The following SAMTOR variants were observed in gnomAD, a reference collection of about 807,000 sequenced individuals.
SAMTOR encodes the protein UPF0532 protein C7orf60.
the SAMTOR span, among the ~76,000 whole-genome samples, chr7:112,904,083 A>G: frequency 6.6e-6 from 1 of 152,226 alleles, no homozygotes; most frequent in African/African-American, 2.4e-5. Flanking sequence ...TTTACAAAGA[A>G]GAAATTCCAT....
At chr7:112,889,199 GA>G in the SAMTOR span, among the ~76,000 whole-genome samples, 8 of 152,130 alleles carry the variant, frequency 5.3e-5, no homozygotes, top group East Asian at 1.5e-3. Flanking sequence ...TTTGTAGTTA[GA>G]AAAATGTTCA....
At chr7:112,834,200 C>G in the SAMTOR span, among the ~76,000 whole-genome samples, 1 of 152,112 alleles carries the variant, frequency 6.6e-6, no homozygotes, top group African/African-American at 2.4e-5. Flanking sequence ...GAATTAACAT[C>G]TTTACAATAT....
At chr7:112,833,399 T>G in the SAMTOR span, among the ~76,000 whole-genome samples, 1 of 152,194 alleles carries the variant, frequency 6.6e-6, no homozygotes, top group Non-Finnish European at 1.5e-5. Flanking sequence ...ATAATAGTGG[T>G]ATTTACCCTT....
chr7:112,880,682 C>T, the SAMTOR span, among the ~76,000 whole-genome samples: 1 of 152,012 alleles, frequency 6.6e-6, no homozygotes, highest in African/African-American at 2.4e-5. Context: ...ATAAACTTAT[C>T]CAATTAAGAT....
the SAMTOR span, among the ~76,000 whole-genome samples, chr7:112,908,797 A>T: frequency 6.6e-6 from 1 of 152,220 alleles, no homozygotes; most frequent in South Asian, 2.1e-4. Flanking sequence ...TAATGCCTAT[A>T]TGACAGTTGA....
the SAMTOR span, among the ~76,000 whole-genome samples, chr7:112,900,826 C>T: frequency 6.6e-6 from 1 of 152,122 alleles, no homozygotes; most frequent in African/African-American, 2.4e-5. Flanking sequence ...TAGAACTAGA[C>T]ATCCACATGC....
the SAMTOR span, among the ~76,000 whole-genome samples, chr7:112,872,229 A>G: frequency 1.2e-4 from 19 of 152,242 alleles, no homozygotes; most frequent in African/African-American, 4.6e-4. Flanking sequence ...AAAAATCCAC[A>G]GTAAAATACT....
chr7:112,822,241 C>T, the SAMTOR span: 1 of 1,613,560 alleles, frequency 6.2e-7, no homozygotes, highest in South Asian at 1.1e-5. Flanking sequence ...GAGAAAACAA[C>T]CACATGGAAA....
At chr7:112,855,982 G>A in the SAMTOR span, among the ~76,000 whole-genome samples, 1 of 151,896 alleles carries the variant, frequency 6.6e-6, no homozygotes, top group Non-Finnish European at 1.5e-5. Context: ...TACTTTTGTG[G>A]TTAGAGAGTG....
At chr7:112,932,161 G>A in the SAMTOR span, among the ~76,000 whole-genome samples, 7 of 151,924 alleles carry the variant, frequency 4.6e-5, no homozygotes, top group African/African-American at 1.4e-4. Flanking sequence ...TCTTGACCTC[G>A]TGATCCACCC....
chr7:112,916,650 C>G, the SAMTOR span, among the ~76,000 whole-genome samples: 1 of 152,164 alleles, frequency 6.6e-6, no homozygotes, highest in African/African-American at 2.4e-5. Flanking sequence ...CACTGCCTCA[C>G]TTGGGAAGCG....
the SAMTOR span, among the ~76,000 whole-genome samples, chr7:112,908,716 C>T: frequency 4.0e-5 from 6 of 151,886 alleles, no homozygotes; most frequent in African/African-American, 1.5e-4. Context: ...TTTATTTTTG[C>T]AAAAACAAAC....
At chr7:112,851,266 G>A in the SAMTOR span, among the ~76,000 whole-genome samples, 3 of 152,076 alleles carry the variant, frequency 2.0e-5, no homozygotes, top group Non-Finnish European at 4.4e-5. Flanking sequence ...AAAGAACCAA[G>A]CTGGAATCAT....
chr7:112,848,774 T>A, the SAMTOR span, among the ~76,000 whole-genome samples: 54 of 152,292 alleles, frequency 3.5e-4, no homozygotes, highest in African/African-American at 1.3e-3. Context: ...TGCAGTCACT[T>A]ATTTCACTAT....
At chr7:112,897,210 A>T in the SAMTOR span, among the ~76,000 whole-genome samples, 1 of 152,158 alleles carries the variant, frequency 6.6e-6, no homozygotes, top group Non-Finnish European at 1.5e-5. Flanking sequence ...TTTCTGGAGA[A>T]AAATGTTCTA....
At chr7:112,892,996 C>T in the SAMTOR span, among the ~76,000 whole-genome samples, 2 of 152,240 alleles carry the variant, frequency 1.3e-5, no homozygotes, top group African/African-American at 4.8e-5. Context: ...TTTAAATATT[C>T]CGTAAACTAT....
the SAMTOR span, among the ~76,000 whole-genome samples, chr7:112,823,668 T>A: frequency 6.6e-6 from 1 of 152,194 alleles, no homozygotes; most frequent in Non-Finnish European, 1.5e-5. Context: ...TTCTTTAATT[T>A]GTCTTGGGGA....
At chr7:112,838,681 T>C in the SAMTOR span, among the ~76,000 whole-genome samples, 2 of 151,776 alleles carry the variant, frequency 1.3e-5, no homozygotes. Context: ...GGAAAACCAA[T>C]AATTCAATAC....
the SAMTOR span, among the ~76,000 whole-genome samples, chr7:112,908,855 T>C: frequency 2.0e-5 from 3 of 152,210 alleles, no homozygotes; most frequent in African/African-American, 7.2e-5. Context: ...ACAGGATACC[T>C]GTAATAAAAA....
Sources: allele counts gnomAD v4.1 joint callset (sites outside exome capture counted in the v4.1 genomes callset), GRCh38; gene constraint gnomAD v4.1.1; transcripts MANE v1.5; gene names NCBI Gene and HGNC (gene_info 2026-07-23, HGNC 2026-07-21).